ERP44: variants seen among roughly 807,000 people sequenced by gnomAD.
The protein encoded by ERP44 is endoplasmic reticulum resident protein 44.
In ERP44, 25 loss-of-function variants were observed where a neutral mutation model predicts 53.4. That is an observed-to-expected ratio of 0.47 (90% CI 0.34 to 0.65). The LOEUF (loss-of-function observed/expected upper bound fraction) is 0.65. ERP44 is among the 30% of genes least tolerant of loss of function. The probability of loss-of-function intolerance (pLI) is 0.01; values close to 1 mark genes in which losing one functional copy is unlikely to be tolerated. For synonymous variants in ERP44, 145 were observed against 161.2 expected (o/e 0.90, Z 0.76); for missense variants, 338 against 493.2 (o/e 0.69, Z 2.98).
intron 8 of ERP44, among the ~76,000 whole-genome samples, chr9:100,009,900 A>C (rs999224093): frequency 6.6e-6 from 1 of 152,054 alleles, no homozygotes; most frequent in African/African-American, 2.4e-5. Flanking sequence ...GCTTCTCTAA[A>C]GTCATCTCTC....
At chr9:100,077,698 A>T (rs1826372989) in intron 1 of ERP44, among the ~76,000 whole-genome samples, 1 of 152,210 alleles carries the variant, frequency 6.6e-6, no homozygotes, top group South Asian at 2.1e-4. Context: ...GGACACTTTG[A>T]ACTCCTCCTA....
At chr9:100,037,813 C>A (rs72731374) in intron 4 of ERP44, among the ~76,000 whole-genome samples, 19,469 of 152,044 alleles carry the variant, frequency 0.13, 1,684 homozygotes, top group Middle Eastern at 0.2. Flanking sequence ...ACTGAAGAGC[C>A]CTTTGGCCTG....
chr9:99,992,937 C>A (rs1271704342), intron 10 of ERP44, among the ~76,000 whole-genome samples: 1 of 152,116 alleles, frequency 6.6e-6, no homozygotes, highest in Non-Finnish European at 1.5e-5. Flanking sequence ...AATAAAATAC[C>A]TAGGAATCCA....
chr9:100,087,133 A>G lies in ERP44; in HGVS notation c.57+11651T>C, dbSNP rs143062989. Among the ~76,000 whole-genome samples, 67 of 151,902 alleles carry G rather than the reference A, an allele frequency of 4.4e-4. No individual in the cohort carries two copies. The East Asian group carries it at 0.011, about 26-fold the overall frequency. On this transcript the variant is annotated intron_variant, in intron 1 of 11. Transcript: ENST00000262455. ...AATGGCAGAACAGAATTCAAACCCT[A>G]ATCTCCTTTAATTCTAAAACCAATG... is the stretch of plus-strand genomic sequence containing the variant.
intron 1 of ERP44, 51 bp downstream of exon 1, chr9:100,098,733 G>C (rs1261951814): frequency 1.3e-6 from 2 of 1,494,370 alleles, no homozygotes; most frequent in Admixed American, 1.7e-5. Context: ...CTGGGCGAGG[G>C]CCGGAGGCCG....
intron 1 of ERP44, among the ~76,000 whole-genome samples, chr9:100,077,024 A>G (rs1826365939): frequency 6.6e-6 from 1 of 152,196 alleles, no homozygotes; most frequent in South Asian, 2.1e-4. Context: ...CTGAGCCCTC[A>G]ATAAGGCACC....
chr9:100,043,539 G>C (rs1825936736), intron 4 of ERP44, among the ~76,000 whole-genome samples: 1 of 151,930 alleles, frequency 6.6e-6, no homozygotes, highest in Admixed American at 6.6e-5. Flanking sequence ...TGGATCACTT[G>C]AGGTCAGGAG....
At position 100,098,977 on chromosome 9, in the gene ERP44, G is replaced by T; in HGVS notation, c.-137C>A. 3 of 670,070 alleles carry T rather than the reference G, an allele frequency of 4.5e-6. No homozygotes were observed. Among genetic ancestry groups the T allele is most frequent in the Non-Finnish European group, 7.8e-6 (3 of 382,840 alleles). 41.5% of individuals were successfully genotyped at this position (670,070 alleles called of 1,614,324 possible). A position where few individuals can be genotyped will look rare whatever the true frequency, so the allele number is the denominator to read the frequency against. ...CCAGGCAGCGGCACCTCGTCCTCTCGACCCGGGCTCCAGCGGCGAACACCC... is the reference window on the plus strand; with the variant it reads ...CCAGGCAGCGGCACCTCGTCCTCTCTACCCGGGCTCCAGCGGCGAACACCC... On this transcript the variant is annotated 5_prime_UTR_variant, in exon 1 of 12. Transcript: ENST00000262455.
Position 99,983,551 on chromosome 9 carries a change from CAAAAAAAAAAAA to C in ERP44, c.1120-850_1120-839del, listed in dbSNP as rs59132233. On this transcript the variant is annotated intron_variant, in intron 11 of 11. Transcript: ENST00000262455. ...TGGGCGACAGAGCGAGACTCCGTCT[CAAAAAAAAAAAA>C]AAAAAAAAAAAAGAAAAGGCAGTGC... Among the ~76,000 whole-genome samples the C allele has an allele frequency of 9.0e-5, 6 of 66,966 alleles. No individual in the cohort carries two copies. In the East Asian group the frequency reaches 2.1e-3, roughly 24 times the overall value. 43.9% of individuals were successfully genotyped at this position (66,966 alleles called of 152,430 possible). A position where few individuals can be genotyped will look rare whatever the true frequency, so the allele number is the denominator to read the frequency against.
chr9:99,979,916 A>G lies in ERP44; in HGVS notation c.*2696T>C, dbSNP rs1830130592. Reference sequence around the variant, plus strand: ...GATGGATCTCTTCTGCCTACAATATATACTACAAACCCCTTAGTCTGGCAC... The same window carrying G: ...GATGGATCTCTTCTGCCTACAATATGTACTACAAACCCCTTAGTCTGGCAC... On this transcript the variant is annotated 3_prime_UTR_variant, in exon 12 of 12. Transcript: ENST00000262455. 1 of 398,324 alleles carries G rather than the reference A, an allele frequency of 2.5e-6. No individual in the cohort carries two copies. The highest frequency in any genetic ancestry group is 4.4e-5 in the Admixed American group (1 of 22,702). 24.7% of individuals were successfully genotyped at this position (398,324 alleles called of 1,614,324 possible). A position where few individuals can be genotyped will look rare whatever the true frequency, so the allele number is the denominator to read the frequency against.
At chr9:100,035,809 TA>T (rs1825844140) in intron 4 of ERP44, among the ~76,000 whole-genome samples, 2 of 152,208 alleles carry the variant, frequency 1.3e-5, no homozygotes, top group Non-Finnish European at 2.9e-5. Context: ...TTATTATCGC[TA>T]ATCATCAAAG....
chr9:100,054,239 A>G (rs1478920607), intron 3 of ERP44, among the ~76,000 whole-genome samples: 1 of 152,210 alleles, frequency 6.6e-6, no homozygotes, highest in African/African-American at 2.4e-5. Context: ...TATTAAATCA[A>G]TAAATTGATA....
chr9:100,003,530 A>C (rs1438632706), intron 10 of ERP44, among the ~76,000 whole-genome samples: 5 of 152,212 alleles, frequency 3.3e-5, no homozygotes, highest in Admixed American at 6.5e-5. Flanking sequence ...TGCTCTTAAG[A>C]GTCTTCACAC....
intron 1 of ERP44, among the ~76,000 whole-genome samples, chr9:100,063,135 CATGGCAAAAATATTTACATGCTAAGTA>C: frequency 7.7e-6 from 1 of 130,434 alleles, no homozygotes; most frequent in African/African-American, 3.0e-5. Context: ...GAAATACTTA[CATGGCAAAAATATTTACATGCTAAGTA>C]ATGGCAAAAA....
At chr9:100,060,007 T>C (rs1015742229) in intron 2 of ERP44, 93 bp downstream of exon 2, 1 of 1,060,534 alleles carries the variant, frequency 9.4e-7, no homozygotes, top group African/African-American at 1.7e-5. Context: ...CTGTGCTAGC[T>C]AACTGAGATT....
chr9:99,997,599 G>C (rs746938371), intron 10 of ERP44, among the ~76,000 whole-genome samples: 7 of 151,900 alleles, frequency 4.6e-5, no homozygotes, highest in African/African-American at 1.7e-4. Flanking sequence ...ATCCCTTCCC[G>C]AACAAAATTT....
At chr9:99,996,335 C>G (rs1830309703) in intron 10 of ERP44, among the ~76,000 whole-genome samples, 1 of 152,168 alleles carries the variant, frequency 6.6e-6, no homozygotes, top group Non-Finnish European at 1.5e-5. Flanking sequence ...TCCCTCTTTG[C>G]ATGTGCCCAC....
At chr9:99,985,886 C>A (rs1830192163) in intron 10 of ERP44, among the ~76,000 whole-genome samples, 1 of 152,202 alleles carries the variant, frequency 6.6e-6, no homozygotes, top group Non-Finnish European at 1.5e-5. Flanking sequence ...TTTTGGAGAT[C>A]TTCATACACC....
chr9:100,068,589 G>A (rs1453759243), intron 1 of ERP44, among the ~76,000 whole-genome samples: 3 of 146,596 alleles, frequency 2.0e-5, no homozygotes, highest in South Asian at 2.2e-4. Flanking sequence ...CCCCCAGCCC[G>A]GCCGGCTGCC....
Sources: allele counts gnomAD v4.1 joint callset (sites outside exome capture counted in the v4.1 genomes callset), GRCh38; gene constraint gnomAD v4.1.1; transcripts MANE v1.5; gene names NCBI Gene and HGNC (gene_info 2026-07-23, HGNC 2026-07-21).